SMYD3: variants seen among roughly 807,000 people sequenced by gnomAD.
SMYD3 encodes the protein SET and MYND domain containing 3.
SMYD3 carries 36 observed loss-of-function variants against 57.7 expected under a neutral mutation model. The ratio of observed to expected loss-of-function variants is 0.62; its 90% confidence interval spans 0.48 to 0.82. The LOEUF (loss-of-function observed/expected upper bound fraction) is 0.82, where lower values mean the gene tolerates loss of function less well. Among genes scored for constraint, SMYD3 ranks in the 40% least tolerant of loss-of-function variants. The pLI is 0.00. For missense variants in SMYD3, 515 were observed against 538.8 expected (o/e 0.96, Z 0.44); for synonymous variants, 211 against 195.0 (o/e 1.08, Z -0.68).
At chr1:246,298,872 A>G (rs977133523) in intron 5 of SMYD3, among the ~76,000 whole-genome samples, 2 of 152,160 alleles carry the variant, frequency 1.3e-5, no homozygotes, top group Non-Finnish European at 2.9e-5. Context: ...ACCAGAATCA[A>G]ATAACTAAAA....
chr1:245,954,103 T>A (rs1470376253), intron 5 of SMYD3, among the ~76,000 whole-genome samples: 1 of 152,206 alleles, frequency 6.6e-6, no homozygotes, highest in Non-Finnish European at 1.5e-5. Flanking sequence ...CTGATGTAAT[T>A]AAATTACAAA....
intron 1 of SMYD3, among the ~76,000 whole-genome samples, chr1:246,467,407 T>C (rs2067897645): frequency 6.6e-6 from 1 of 151,476 alleles, no homozygotes; most frequent in Non-Finnish European, 1.5e-5. Flanking sequence ...ATACAAAAGA[T>C]CAATGAAACA....
chr1:245,771,038 A>G (rs1407697142), intron 10 of SMYD3, among the ~76,000 whole-genome samples: 3 of 149,944 alleles, frequency 2.0e-5, no homozygotes, highest in African/African-American at 7.3e-5. Flanking sequence ...GGCAGAAGCT[A>G]TATATATACA....
chr1:245,807,583 C>CA (rs1290347257), intron 10 of SMYD3, among the ~76,000 whole-genome samples: 1 of 152,130 alleles, frequency 6.6e-6, no homozygotes, highest in East Asian at 1.9e-4. Flanking sequence ...GCAGCCAACT[C>CA]AAAACCGCAC....
chr1:246,208,598 G>A (rs995468107), intron 5 of SMYD3, among the ~76,000 whole-genome samples: 2 of 152,106 alleles, frequency 1.3e-5, no homozygotes, highest in South Asian at 2.1e-4. Flanking sequence ...TAGGGCTAAC[G>A]GAAGCTACAT....
rs576305582 is a variant in SMYD3, at chr1:245,884,486, G to A, written c.814-20600C>T. ...GAGGAGGCAGTGTCTGATTTACATA[G>A]GGCCTGAGAGATTGGGTGGACCAGG... is the stretch of plus-strand genomic sequence containing the variant. On this transcript the variant is annotated intron_variant, in intron 8 of 11. Coordinates refer to ENST00000490107, the MANE Select transcript of SMYD3 (RefSeq NM_001167740.2). Among the ~76,000 whole-genome samples the A allele has an allele frequency of 3.3e-5, 5 of 152,248 alleles. No individual in the cohort carries two copies. In the East Asian group the frequency reaches 9.7e-4, roughly 29 times the overall value.
At chr1:246,093,417 G>A (rs552064788) in intron 5 of SMYD3, among the ~76,000 whole-genome samples, 1 of 152,238 alleles carries the variant, frequency 6.6e-6, no homozygotes, top group Admixed American at 6.5e-5. Flanking sequence ...ATATATGTGT[G>A]GTGGAATATT....
intron 8 of SMYD3, among the ~76,000 whole-genome samples, chr1:245,865,438 T>A (rs1387805139): frequency 6.6e-6 from 1 of 152,154 alleles, no homozygotes; most frequent in Non-Finnish European, 1.5e-5. Flanking sequence ...CTAACATCTT[T>A]CTCCCTAATA....
chr1:246,373,181 C>T (rs1359809284), intron 1 of SMYD3, among the ~76,000 whole-genome samples: 1 of 151,920 alleles, frequency 6.6e-6, no homozygotes, highest in Non-Finnish European at 1.5e-5. Context: ...TGATTTCCCC[C>T]TCCTTTTATT....
At chr1:245,846,189 AGGAG>A (rs891785086) in intron 10 of SMYD3, among the ~76,000 whole-genome samples, 2 of 152,200 alleles carry the variant, frequency 1.3e-5, no homozygotes, top group African/African-American at 4.8e-5. Context: ...AAGGGAAGGA[AGGAG>A]GGAGAGAAAA....
intron 5 of SMYD3, among the ~76,000 whole-genome samples, chr1:246,169,507 C>G (rs2062288850): frequency 6.6e-6 from 1 of 151,244 alleles, no homozygotes; most frequent in African/African-American, 2.4e-5. Context: ...GTTTGCTCTT[C>G]TTGGGACAAA....
intron 1 of SMYD3, among the ~76,000 whole-genome samples, chr1:246,464,714 C>CA (rs1491207500): frequency 1.3e-5 from 2 of 152,216 alleles, no homozygotes; most frequent in Non-Finnish European, 2.9e-5. Flanking sequence ...TCTAAATTCT[C>CA]AGTTTTCTGG....
At chr1:245,786,177 T>C (rs769307104) in intron 10 of SMYD3, among the ~76,000 whole-genome samples, 3 of 120,994 alleles carry the variant, frequency 2.5e-5, no homozygotes, top group Admixed American at 1.0e-4. Context: ...AACAAAGCTT[T>C]GTAAGGATAA....
At chr1:246,129,807 T>C (rs937411254) in intron 5 of SMYD3, among the ~76,000 whole-genome samples, 3 of 152,114 alleles carry the variant, frequency 2.0e-5, no homozygotes, top group Non-Finnish European at 4.4e-5. Context: ...GAAAAATGGA[T>C]ATAAGCCCAT....
intron 5 of SMYD3, among the ~76,000 whole-genome samples, chr1:245,969,905 T>C (rs2058251900): frequency 6.6e-6 from 1 of 152,288 alleles, no homozygotes; most frequent in Middle Eastern, 3.4e-3. Flanking sequence ...TAAAGACTAT[T>C]AAAACAACAT....
intron 5 of SMYD3, among the ~76,000 whole-genome samples, chr1:245,939,133 A>C (rs1173296633): frequency 6.6e-6 from 1 of 151,478 alleles, no homozygotes; most frequent in African/African-American, 2.4e-5. Flanking sequence ...ACAGAGCGAG[A>C]CTCCATCTCA....
chr1:246,024,790 C>G (rs74726851), intron 5 of SMYD3, among the ~76,000 whole-genome samples: 11 of 100,940 alleles, frequency 1.1e-4, no homozygotes, highest in East Asian at 4.0e-4. Context: ...TCTAGGAAGA[C>G]AGATACAGCA....
rs367831758 is a variant in SMYD3 at position 245,770,739 on chromosome 1, T to C, written c.1077-6590A>G. 1.4e-3 allele frequency among the ~76,000 whole-genome samples: 206 copies of C among 152,296 alleles called. 7 individuals are homozygous for C. In the South Asian group the frequency reaches 0.041, roughly 31 times the overall value. ...CATACACAGACTTTAAAATAGCTCATAAATATGTTTGAGAACTTAAATAAT... is the reference window on the plus strand; with the variant it reads ...CATACACAGACTTTAAAATAGCTCACAAATATGTTTGAGAACTTAAATAAT... On this transcript the variant is annotated intron_variant, in intron 10 of 11. Transcript: ENST00000490107.
At chr1:245,818,240 A>G (rs2048964526) in intron 10 of SMYD3, among the ~76,000 whole-genome samples, 1 of 152,218 alleles carries the variant, frequency 6.6e-6, no homozygotes, top group South Asian at 2.1e-4. Flanking sequence ...GGGGAGCAAT[A>G]TTCAACATTC....
Sources: allele counts gnomAD v4.1 joint callset (sites outside exome capture counted in the v4.1 genomes callset), GRCh38; gene constraint gnomAD v4.1.1; transcripts MANE v1.5; gene names NCBI Gene and HGNC (gene_info 2026-07-23, HGNC 2026-07-21).